MSI2: variants seen among roughly 807,000 people sequenced by gnomAD.
MSI2 encodes musashi RNA binding protein 2.
In MSI2, 17 loss-of-function variants were observed where a neutral mutation model predicts 45.6. The observed-to-expected ratio is 0.37, with a 90% CI of 0.26 to 0.56. The LOEUF (loss-of-function observed/expected upper bound fraction) is 0.56. Ranked by LOEUF, MSI2 falls within the 20% of genes least tolerant of loss-of-function variation. The pLI is 0.77. For missense variants in MSI2, 293 were observed against 444.2 expected, an observed-to-expected ratio of 0.66 and a Z score of 3.06; for synonymous variants, 156 against 158.2, an observed-to-expected ratio of 0.99 and a Z score of 0.11.
chr17:57,563,775 C>CAT (rs1202881987), intron 7 of MSI2, among the ~76,000 whole-genome samples: 1 of 150,956 alleles, frequency 6.6e-6, no homozygotes, highest in African/African-American at 2.5e-5. Context: ...CACACACACA[C>CAT]ACACACACAT....
intron 5 of MSI2, among the ~76,000 whole-genome samples, chr17:57,393,039 T>A (rs1198646717): frequency 6.6e-6 from 1 of 152,150 alleles, no homozygotes; most frequent in Non-Finnish European, 1.5e-5. Context: ...CCTTTAGCCA[T>A]CACTCCCTCC....
chr17:57,262,412 G>A (rs1907399099), intron 5 of MSI2: 1 of 465,678 alleles, frequency 2.1e-6, no homozygotes, highest in South Asian at 4.8e-5. Context: ...GCAGGGACAA[G>A]TCTGATGCTT....
At chr17:57,343,064 A>C (rs1403286699) in intron 5 of MSI2, among the ~76,000 whole-genome samples, 1 of 152,228 alleles carries the variant, frequency 6.6e-6, no homozygotes, top group African/African-American at 2.4e-5. Flanking sequence ...TTTTAAAAAA[A>C]GAGACACGGG....
At chr17:57,558,925 T>C (rs1447944410) in intron 7 of MSI2, among the ~76,000 whole-genome samples, 1 of 151,852 alleles carries the variant, frequency 6.6e-6, no homozygotes, top group East Asian at 1.9e-4. Context: ...CAGCGAGGTG[T>C]GGTGGCGGGA....
chr17:57,542,621 T>G (rs147609404), intron 7 of MSI2, among the ~76,000 whole-genome samples: 23 of 152,328 alleles, frequency 1.5e-4, no homozygotes, highest in African/African-American at 4.8e-4. Context: ...GCATTGGTTA[T>G]TTTTAACATT....
intron 10 of MSI2, chr17:57,630,467 G>T (rs8082495): frequency 0.2 from 30,266 of 152,156 alleles, 3,235 homozygotes; most frequent in East Asian, 0.38. Context: ...CCAGAAAGGG[G>T]CCACCAGTGG....
At chr17:57,257,221 C>A (rs1225594450) in intron 2 of MSI2, 83 bp downstream of exon 2, 4 of 497,424 alleles carry the variant, frequency 8.0e-6, no homozygotes, top group East Asian at 5.6e-5. Context: ...TAGGAGCCCC[C>A]CCCCCCCCGC....
chr17:57,507,225 C>CTCTGTGTA (rs1297862205), intron 6 of MSI2, among the ~76,000 whole-genome samples: 3 of 51,184 alleles, frequency 5.9e-5, no homozygotes, highest in African/African-American at 1.3e-4. Flanking sequence ...CTTTGTCTCT[C>CTCTGTGTA]TGTGTGTGTG....
At chr17:57,492,917 G>A (rs893654669) in intron 6 of MSI2, among the ~76,000 whole-genome samples, 1 of 152,194 alleles carries the variant, frequency 6.6e-6, no homozygotes, top group Admixed American at 6.5e-5. Context: ...GTCTTTTGTG[G>A]AATATCTTTG....
At chr17:57,449,576 T>C (rs2084958422) in intron 6 of MSI2, 2 of 152,224 alleles carry the variant, frequency 1.3e-5, no homozygotes, top group Admixed American at 1.3e-4. Context: ...TATGTGTCCA[T>C]TATAGACATA....
intron 4 of MSI2, among the ~76,000 whole-genome samples, chr17:57,260,227 T>C (rs2143168366): frequency 6.6e-6 from 1 of 152,346 alleles, no homozygotes; most frequent in South Asian, 2.1e-4. Flanking sequence ...GGATTTGCCA[T>C]GCTTAACTTG....
At chr17:57,354,151 A>C (rs1916248133) in intron 5 of MSI2, among the ~76,000 whole-genome samples, 1 of 152,202 alleles carries the variant, frequency 6.6e-6, no homozygotes, top group Non-Finnish European at 1.5e-5. Context: ...TCAGTTATAG[A>C]TGTTTGTCAG....
At position 57,563,121 on chromosome 17, in the gene MSI2, A is replaced by C. The variant is rs71372806; in HGVS notation, c.454+33397A>C. On this transcript the variant is annotated intron_variant, in intron 7 of 13. Coordinates refer to ENST00000284073, the MANE Select transcript of MSI2 (RefSeq NM_138962.4). ...TCCAAAAAAAAAAAAAAAAAAAAAAACAGTGCATAGATTTGTGGGGTCCAT... is the reference window on the plus strand; with the variant it reads ...TCCAAAAAAAAAAAAAAAAAAAAAACCAGTGCATAGATTTGTGGGGTCCAT... Among the ~76,000 whole-genome samples the C allele has an allele frequency of 3.2e-3, 475 of 150,098 alleles. 6 individuals carry two copies. Among genetic ancestry groups the C allele is most frequent in the African/African-American group, 0.011 (455 of 40,600 alleles).
At chr17:57,497,775 A>G (rs2086010745) in intron 6 of MSI2, among the ~76,000 whole-genome samples, 1 of 152,210 alleles carries the variant, frequency 6.6e-6, no homozygotes, top group African/African-American at 2.4e-5. Context: ...GGTGTGACTG[A>G]TGCACACGCA....
At chr17:57,464,310 G>A (rs1025425574) in intron 6 of MSI2, among the ~76,000 whole-genome samples, 8 of 152,102 alleles carry the variant, frequency 5.3e-5, no homozygotes, top group Admixed American at 5.2e-4. Flanking sequence ...CAGGCGTGGT[G>A]GCACGTGCCT....
In MSI2 at chr17:57,581,004, C is replaced by CTTTTTTTTTTTTTTTTTTTT. The variant is rs3059122; in HGVS notation, c.455-15857_455-15838dup. Among the ~76,000 whole-genome samples the CTTTTTTTTTTTTTTTTTTTT allele has an allele frequency of 3.8e-4, 25 of 66,502 alleles. 5 individuals are homozygous for CTTTTTTTTTTTTTTTTTTTT. Among genetic ancestry groups the CTTTTTTTTTTTTTTTTTTTT allele is most frequent in the East Asian group, 3.4e-3 (6 of 1,778 alleles). The allele number at this position is 66,502 out of a possible 152,430, so 43.6% of individuals were successfully genotyped here. ...CATGCCAGCCCCATGAGGTCAGCAT[C>CTTTTTTTTTTTTTTTTTTTT]TTTTTTTTTTTTTTTTTTTTTTTTT... On this transcript the variant is annotated intron_variant, in intron 7 of 13. Transcript: ENST00000284073.
At chr17:57,623,516 T>C (rs554721252) in intron 9 of MSI2, among the ~76,000 whole-genome samples, 3 of 152,158 alleles carry the variant, frequency 2.0e-5, no homozygotes, top group Non-Finnish European at 4.4e-5. Context: ...CTATTGTTGA[T>C]TTCTGTATTT....
intron 7 of MSI2, among the ~76,000 whole-genome samples, chr17:57,547,931 C>G (rs2087208787): frequency 6.6e-6 from 1 of 152,118 alleles, no homozygotes; most frequent in South Asian, 2.1e-4. Flanking sequence ...GTTGTTTGGT[C>G]CCTAAACACT....
chr17:57,476,671 C>A (rs2085543038), intron 6 of MSI2, among the ~76,000 whole-genome samples: 1 of 152,186 alleles, frequency 6.6e-6, no homozygotes, highest in Non-Finnish European at 1.5e-5. Context: ...TCCCTTAGGA[C>A]CTCAGCGTGG....
Sources: gnomAD v4.1 joint callset for allele counts (sites outside exome capture counted in the v4.1 genomes callset) on GRCh38, gnomAD v4.1.1 for gene constraint, MANE v1.5 for transcripts, NCBI Gene and HGNC (gene_info 2026-07-23, HGNC 2026-07-21) for gene names.